The following SHTN1 variants were observed in gnomAD, a reference collection of about 807,000 sequenced individuals.
The protein encoded by SHTN1 is shootin-1.
SHTN1 carries 42 observed loss-of-function variants against 83.1 expected under a neutral mutation model. That is an observed-to-expected ratio of 0.51 (90% CI 0.39 to 0.65). The LOEUF is 0.65. SHTN1 is among the 30% of genes least tolerant of loss of function. SHTN1 has a pLI of 0.00. For synonymous variants in SHTN1, 224 were observed against 247.7 expected (o/e 0.90, Z 0.90); for missense variants, 622 against 737.8 (o/e 0.84, Z 1.82).
rs188457935 is a variant in SHTN1 at position 117,107,825 on chromosome 10, T to C, written c.-189+18482A>G. Among the ~76,000 whole-genome samples the C allele has an allele frequency of 1.5e-4, 23 of 152,076 alleles. No homozygotes were observed. The East Asian group carries it at 4.3e-3, about 28-fold the overall frequency. ...TCCCTCAGCAATTCTGGGAAGGAGT[T>C]TTTTGTTTTGTTTTGTTTGAGAAAG... On this transcript the variant is annotated intron_variant, in intron 1 of 17. Transcript: ENST00000392901.
intron 2 of SHTN1, among the ~76,000 whole-genome samples, chr10:116,977,470 G>A (rs1351888357): frequency 6.6e-6 from 1 of 152,088 alleles, no homozygotes; most frequent in Non-Finnish European, 1.5e-5. Flanking sequence ...GTATCTTAGA[G>A]CAAGATGCTC....
chr10:117,046,916 T>C (rs986365726), intron 2 of SHTN1, among the ~76,000 whole-genome samples: 2 of 151,884 alleles, frequency 1.3e-5, no homozygotes, highest in Non-Finnish European at 2.9e-5. Context: ...ATTCTGAAAT[T>C]AGATAATGGT....
chr10:116,911,396 G>A, intron 14 of SHTN1: 1 of 1,456,232 alleles, frequency 6.9e-7, no homozygotes. Flanking sequence ...GAGGAATTTA[G>A]CTTCACATTT....
intron 1 of SHTN1, among the ~76,000 whole-genome samples, chr10:116,985,667 T>G (rs1240205544): frequency 6.6e-6 from 1 of 152,144 alleles, no homozygotes; most frequent in African/African-American, 2.4e-5. Flanking sequence ...AAATGAAGGT[T>G]TAAATAGCCA....
chr10:116,957,592 A>T (rs1399312998), intron 4 of SHTN1, among the ~76,000 whole-genome samples: 1 of 152,060 alleles, frequency 6.6e-6, no homozygotes, highest in Admixed American at 6.6e-5. Flanking sequence ...AACAGAACCT[A>T]CTATTATATT....
chr10:117,060,810 T>G (rs1852888203), intron 1 of SHTN1, among the ~76,000 whole-genome samples: 1 of 152,188 alleles, frequency 6.6e-6, no homozygotes, highest in Admixed American at 6.5e-5. Flanking sequence ...ACAGAAAACT[T>G]GTGGTATTTT....
intron 1 of SHTN1, among the ~76,000 whole-genome samples, chr10:117,053,247 G>GA (rs371548019): frequency 1.9e-4 from 29 of 151,494 alleles, no homozygotes; most frequent in Middle Eastern, 6.8e-3. Flanking sequence ...AACAACAAAA[G>GA]AAAAAATAGA....
At chr10:116,898,344 A>G (rs1042632906) in intron 16 of SHTN1, among the ~76,000 whole-genome samples, 2 of 151,968 alleles carry the variant, frequency 1.3e-5, no homozygotes, top group Non-Finnish European at 2.9e-5. Flanking sequence ...AAAAAATTCT[A>G]TAATTTAGAA....
At chr10:116,950,604 G>A (rs1177370253) in intron 6 of SHTN1, among the ~76,000 whole-genome samples, 1 of 152,184 alleles carries the variant, frequency 6.6e-6, no homozygotes, top group African/African-American at 2.4e-5. Context: ...GAGGAACAGA[G>A]CACACTAAGA....
At chr10:116,986,916 A>G (rs1161375210) in intron 1 of SHTN1, among the ~76,000 whole-genome samples, 3 of 151,606 alleles carry the variant, frequency 2.0e-5, no homozygotes, top group African/African-American at 7.3e-5. Flanking sequence ...TTTAGTAGAG[A>G]CGGGGTTTCA....
chr10:117,044,816 T>C (rs1852638216), intron 2 of SHTN1, among the ~76,000 whole-genome samples: 1 of 152,160 alleles, frequency 6.6e-6, no homozygotes, highest in South Asian at 2.1e-4. Context: ...TGAAATTTCA[T>C]TGTTGCCTTA....
chr10:117,087,773 C>G lies in SHTN1; in HGVS notation c.-189+38534G>C, dbSNP rs140842899. Among the ~76,000 whole-genome samples the G allele has an allele frequency of 1.1e-4, 17 of 152,264 alleles. No individual in the cohort carries two copies. The East Asian group carries it at 2.7e-3, about 24-fold the overall frequency. ...AAAGCAAAAAGACAAACTACAAAAT[C>G]AGAGAATATTTTTTGCAATGTATTT... On this transcript the variant is annotated intron_variant, in intron 1 of 17. Coordinates refer to the SHTN1 transcript ENST00000392901.
intron 14 of SHTN1, among the ~76,000 whole-genome samples, chr10:116,909,062 G>T (rs1449960239): frequency 6.6e-6 from 1 of 152,170 alleles, no homozygotes; most frequent in Non-Finnish European, 1.5e-5. Context: ...TAAAATTTGA[G>T]AATCAGAAAT....
intron 1 of SHTN1, among the ~76,000 whole-genome samples, chr10:117,061,916 T>C (rs1434646210): frequency 6.6e-6 from 1 of 152,238 alleles, no homozygotes; most frequent in Non-Finnish European, 1.5e-5. Context: ...ACAATGATTC[T>C]CTTTCTGAAT....
At chr10:116,943,804 C>T (rs955085826) in intron 8 of SHTN1, among the ~76,000 whole-genome samples, 1 of 152,130 alleles carries the variant, frequency 6.6e-6, no homozygotes, top group Non-Finnish European at 1.5e-5. Context: ...TTTACATTTC[C>T]TGAGCTATCT....
Position 116,883,335 on chromosome 10 carries a change from G to A in SHTN1, c.*3009C>T, listed in dbSNP as rs1488213275. 6.6e-6 allele frequency: 1 copy of A among 152,078 alleles called. No individual in the cohort carries two copies. Among genetic ancestry groups the A allele is most frequent in the East Asian group, 1.9e-4 (1 of 5,190 alleles). The allele number at this position is 152,078 out of a possible 1,614,324, so 9.4% of individuals were successfully genotyped here. A position where few individuals can be genotyped will look rare whatever the true frequency, so the allele number is the denominator to read the frequency against. Reference sequence around the variant, plus strand: ...ATATAATATTATCTGTGAAAGAAATGAAAGAAACAGTCACATACCAAATTA... The same window carrying A: ...ATATAATATTATCTGTGAAAGAAATAAAAGAAACAGTCACATACCAAATTA... On this transcript the variant is annotated 3_prime_UTR_variant, in exon 17 of 17. Coordinates refer to ENST00000355371, the MANE Select transcript of SHTN1 (RefSeq NM_001127211.3).
chr10:116,901,032 G>A, intron 16 of SHTN1: 1 of 985,390 alleles, frequency 1.0e-6, no homozygotes, highest in Non-Finnish European at 1.2e-6. Context: ...CAGGAAATCA[G>A]AGGTTTAATT....
At chr10:117,040,302 G>A (rs1027026827) in intron 2 of SHTN1, among the ~76,000 whole-genome samples, 3 of 152,062 alleles carry the variant, frequency 2.0e-5, no homozygotes, top group African/African-American at 7.2e-5. Flanking sequence ...TAGTAATTAA[G>A]GAATTATTTA....
At chr10:116,999,394 A>G (rs2133534429) in intron 1 of SHTN1, among the ~76,000 whole-genome samples, 1 of 152,324 alleles carries the variant, frequency 6.6e-6, no homozygotes, top group African/African-American at 2.4e-5. Context: ...TGCATTGTCA[A>G]TGTAGTGATT....
Sources: allele counts gnomAD v4.1 joint callset (sites outside exome capture counted in the v4.1 genomes callset), GRCh38; gene constraint gnomAD v4.1.1; transcripts MANE v1.5; gene names NCBI Gene and HGNC (gene_info 2026-07-23, HGNC 2026-07-21).